ATP13A3: variants seen among roughly 807,000 people sequenced by gnomAD.
ATP13A3 encodes the protein ATPase 13A3.
A neutral mutation model predicts 158.1 loss-of-function variants in ATP13A3; 59 were observed. That is an observed-to-expected ratio of 0.37 (90% CI 0.30 to 0.46). The LOEUF (loss-of-function observed/expected upper bound fraction) is 0.46, where lower values mean the gene tolerates loss of function less well. ATP13A3 is among the 20% of genes least tolerant of loss of function. The pLI, the probability that ATP13A3 is intolerant of heterozygous loss-of-function variation, is 1.00. For missense variants in ATP13A3, 1,166 were observed against 1,525.2 expected (o/e 0.76, Z 3.92); for synonymous variants, 491 against 504.3 (o/e 0.97, Z 0.35).
Position 194,431,767 on chromosome 3 carries a change from A to G in ATP13A3, c.2371T>C (p.Tyr791His), listed in dbSNP as rs149075344. ...DGKVAKINWH[Y>H]ADSLTQCSHP... Reference sequence around the variant, plus strand: ...CTGCACTGCGTGAGGGAGTCTGCATAATGCCAATTTATTTTGGCAACTTTC... The same window carrying G: ...CTGCACTGCGTGAGGGAGTCTGCATGATGCCAATTTATTTTGGCAACTTTC... Residue 791 changes from tyrosine to histidine, a missense_variant, in exon 22 of 34, where the codon TAT becomes CAT. Transcript: ENST00000645319. The G allele has an allele frequency of 1.9e-6, 3 of 1,613,112 alleles. No individual in the cohort carries two copies. The highest frequency in any genetic ancestry group is 2.7e-5 in the African/African-American group (2 of 74,982).
intron 30 of ATP13A3, among the ~76,000 whole-genome samples, chr3:194,421,153 A>ACTATATATATAGTT (rs376115821): frequency 4.9e-4 from 2 of 4,106 alleles, no homozygotes; most frequent in African/African-American, 1.2e-3. Flanking sequence ...ATATATATAT[A>ACTATATATATAGTT]TATATATATA....
Position 194,448,689 on chromosome 3 carries a change from G to A in ATP13A3, c.971-53C>T. On this transcript the variant is annotated intron_variant, in intron 11 of 33. Transcript: ENST00000645319. The surrounding 1 kb of genome is among the most constrained non-coding windows in gnomAD (Gnocchi z 4.0). Reference sequence around the variant, plus strand: ...ACAGTTTACAAATTATTAAACGAAAGCACAGGAATCAGTATCGAACACCAA... The same window carrying A: ...ACAGTTTACAAATTATTAAACGAAAACACAGGAATCAGTATCGAACACCAA... 6.4e-7 allele frequency: 1 copy of A among 1,551,624 alleles called. No homozygotes were observed. Among genetic ancestry groups the A allele is most frequent in the South Asian group, 1.2e-5 (1 of 84,446 alleles).
At chr3:194,493,775 C>T (rs1379562659) in intron 2 of ATP13A3, among the ~76,000 whole-genome samples, 3 of 152,092 alleles carry the variant, frequency 2.0e-5, no homozygotes, top group African/African-American at 7.2e-5. Context: ...GTTCTGAATA[C>T]TTTCATATGT....
chr3:194,427,461 G>A (rs1230537422), intron 28 of ATP13A3, among the ~76,000 whole-genome samples: 4 of 151,750 alleles, frequency 2.6e-5, no homozygotes, highest in Non-Finnish European at 5.9e-5. Flanking sequence ...AAACGCCTCA[G>A]GAATAATTTT....
intron 30 of ATP13A3, among the ~76,000 whole-genome samples, chr3:194,420,799 T>C (rs891288759): frequency 1.3e-5 from 2 of 152,034 alleles, no homozygotes; most frequent in African/African-American, 4.8e-5. Flanking sequence ...TTTTCTAATA[T>C]ATTGATAGCC....
At chr3:194,490,270 A>T (rs983953448), upstream of ATP13A3, among the ~76,000 whole-genome samples, 3 of 152,146 alleles carry the variant, frequency 2.0e-5, no homozygotes, top group Non-Finnish European at 4.4e-5. This position sits in a 1 kb window ranked among gnomAD's most constrained non-coding sequence, Gnocchi z 4.4. Flanking sequence ...CAGAGAGGCA[A>T]AGCCTCCTCC....
intron 22 of ATP13A3, 123 bp from the exon 23 acceptor site, chr3:194,431,349 A>G: frequency 8.5e-7 from 1 of 1,174,716 alleles, no homozygotes; most frequent in Non-Finnish European, 1.2e-6. Flanking sequence ...ACATGATGAA[A>G]GCCGGACATT....
chr3:194,468,296 T>C (rs756299210), intron 2 of ATP13A3: 7 of 151,572 alleles, frequency 4.6e-5, no homozygotes, highest in Admixed American at 3.3e-4. Flanking sequence ...TGAGTCTTGA[T>C]GTTATCTAAA....
Position 194,427,131 on chromosome 3 carries a change from C to T in ATP13A3, c.3069G>A (p.Leu1023=), listed in dbSNP as rs201455260. The T allele has an allele frequency of 1.2e-6, 2 of 1,613,470 alleles. No individual in the cohort carries two copies. ...QIIICIGFQS[L]GFFWVKQQPW... ...GTTGCTGTTTGACCCAAAAAAAACC[C>T]AAAGATTGAAATCCAATGCAGATGA... Residue 1023 remains leucine, a synonymous_variant, in exon 29 of 34, where the codon TTG becomes TTA. Transcript: ENST00000645319.
chr3:194,414,518 T>C (rs1356262071), intron 31 of ATP13A3, among the ~76,000 whole-genome samples: 1 of 149,144 alleles, frequency 6.7e-6, no homozygotes, highest in Admixed American at 6.7e-5. Flanking sequence ...AACTCAATTA[T>C]AAAGACAACT....
Position 194,413,818 on chromosome 3 carries a change from A to G in ATP13A3, c.3424T>C (p.Trp1142Arg). The G allele has an allele frequency of 1.2e-6, 2 of 1,613,960 alleles. No individual in the cohort carries two copies. The highest frequency in any genetic ancestry group is 1.7e-6 in the Non-Finnish European group (2 of 1,179,830). ...ACAATGATGAGCATAGTTACACGCC[A>G]CTGATATGGTACACACACTATCTGT... is the stretch of plus-strand genomic sequence containing the variant. ...VLQIVCVPYQ[W>R]RVTMLIIVLV... Residue 1142 changes from tryptophan (W) to arginine (R), a missense_variant, in exon 32 of 34, where the codon TGG becomes CGG. Trp to Arg is a moderately radical substitution (Grantham distance 101, BLOSUM62 -3). Around this residue, in one of 3 missense-constraint regions of ATP13A3, gnomAD observed 997 missense variants for 1,341.2 expected, o/e 0.74. Transcript: ENST00000645319.
At chr3:194,428,443 G>A (rs749703135) in intron 28 of ATP13A3, among the ~76,000 whole-genome samples, 7 of 151,922 alleles carry the variant, frequency 4.6e-5, no homozygotes, top group Non-Finnish European at 7.4e-5. Flanking sequence ...AGGGGACTAC[G>A]GGAAAATAGG....
intron 20 of ATP13A3, among the ~76,000 whole-genome samples, chr3:194,435,478 C>G (rs1041269172): frequency 6.6e-6 from 1 of 151,472 alleles, no homozygotes; most frequent in African/African-American, 2.4e-5. Flanking sequence ...AATGGAAACA[C>G]AGAGGTCTCG....
chr3:194,421,469 T>C (rs1716369520), intron 30 of ATP13A3, among the ~76,000 whole-genome samples: 1 of 143,546 alleles, frequency 7.0e-6, no homozygotes, highest in African/African-American at 2.6e-5. Context: ...AGGAAAATAG[T>C]GTGAACACGG....
intron 2 of ATP13A3, among the ~76,000 whole-genome samples, chr3:194,469,218 G>T (rs1030514169): frequency 1.5e-4 from 22 of 151,656 alleles, no homozygotes; most frequent in African/African-American, 5.1e-4. Flanking sequence ...AGCACTTTGA[G>T]AGGCCAAGGC....
chr3:194,409,041 C>T (rs1037589629), intron 33 of ATP13A3, among the ~76,000 whole-genome samples: 1 of 152,148 alleles, frequency 6.6e-6, no homozygotes, highest in Admixed American at 6.5e-5. Context: ...GCTATAGCAA[C>T]CGGATCTTTC....
chr3:194,461,100 T>C (rs73071154), intron 3 of ATP13A3, among the ~76,000 whole-genome samples: 3,452 of 152,306 alleles, frequency 0.023, 124 homozygotes, highest in African/African-American at 0.079. Context: ...TATAGTAAAT[T>C]CATATTTAGT....
intron 2 of ATP13A3, among the ~76,000 whole-genome samples, chr3:194,470,508 T>C (rs1259619478): frequency 2.0e-5 from 3 of 152,144 alleles, no homozygotes; most frequent in Non-Finnish European, 2.9e-5. Flanking sequence ...TGTCTAATTG[T>C]ATAGTATTTG....
At chr3:194,465,331 A>G (rs1282805443) in intron 2 of ATP13A3, among the ~76,000 whole-genome samples, 1 of 152,168 alleles carries the variant, frequency 6.6e-6, no homozygotes, top group Non-Finnish European at 1.5e-5. Context: ...AGATCACCAG[A>G]AGAGAGTCTG....
Sources: gnomAD v4.1 joint callset for allele counts (sites outside exome capture counted in the v4.1 genomes callset) on GRCh38, gnomAD v4.1.1 for gene constraint, gnomAD v4.1.1 regional missense constraint, Gnocchi (gnomAD v3.1) non-coding constraint, MANE v1.5 for transcripts, NCBI Gene and HGNC (gene_info 2026-07-23, HGNC 2026-07-21) for gene names.